The following MYBPH variants were observed in gnomAD, a reference collection of about 807,000 sequenced individuals.
MYBPH encodes the protein myosin-binding protein H.
Under a neutral mutation model 53.6 loss-of-function variants are expected in MYBPH, and 49 were observed. That is an observed-to-expected ratio of 0.91 (90% CI 0.73 to 1.16). MYBPH has a LOEUF of 1.16. Ranked by LOEUF, MYBPH falls within the 50% of genes most tolerant of loss-of-function variation. The probability of loss-of-function intolerance (pLI) is 0.00; values close to 1 mark genes in which losing one functional copy is unlikely to be tolerated. For missense variants in MYBPH, 558 were observed against 624.1 expected (o/e 0.89, Z 1.13); for synonymous variants, 239 against 249.6 (o/e 0.96, Z 0.40).
Position 203,171,992 on chromosome 1 carries a change from C to G in MYBPH, c.557G>C (p.Arg186Pro). Residue 186 changes from arginine (R) to proline (P), a missense_variant, in exon 4 of 11, where the codon CGC becomes CCC. Physicochemically the swap from Arg to Pro is moderately radical, Grantham distance 103 (BLOSUM62 -2). Coordinates refer to ENST00000255416, the MANE Select transcript of MYBPH (RefSeq NM_004997.3). This position sits in a 1 kb window ranked among gnomAD's most constrained non-coding sequence, Gnocchi z 4.2. ...CAGGTTGACCGTCTCTCCCACCTGGCGGATGTAGGTCTGACGGAGGTGGCG... is the reference window on the plus strand; with the variant it reads ...CAGGTTGACCGTCTCTCCCACCTGGGGGATGTAGGTCTGACGGAGGTGGCG... ...VPRHLRQTYI[R>P]QVGETVNLQI... 7.6e-7 allele frequency: 1 copy of G among 1,323,358 alleles called. No individual in the cohort carries two copies. Among genetic ancestry groups the G allele is most frequent in the Non-Finnish European group, 9.7e-7 (1 of 1,028,558 alleles). The allele number at this position is 1,323,358 out of a possible 1,614,324, so 82.0% of individuals were successfully genotyped here.
chr1:203,177,772 C>T (rs897921996), upstream of MYBPH, among the ~76,000 whole-genome samples: 1 of 152,242 alleles, frequency 6.6e-6, no homozygotes, highest in Non-Finnish European at 1.5e-5. Flanking sequence ...GCTTGCAGCC[C>T]TGGGGTTTCA....
chr1:203,175,771 G>A lies in MYBPH; in HGVS notation c.-16C>T. ...TTTCCATCATTGCTGGACTGGCTGG[G>A]GGGCCAGGGTGGAGTGTGCAGGGGT... On this transcript the variant is annotated 5_prime_UTR_variant, in exon 1 of 11. Coordinates refer to ENST00000255416, the MANE Select transcript of MYBPH (RefSeq NM_004997.3). 6.2e-7 allele frequency: 1 copy of A among 1,613,242 alleles called. No homozygotes were observed. The highest frequency in any genetic ancestry group is 1.7e-4 in the Middle Eastern group (1 of 5,802).
intron 2 of MYBPH, 47 bp from the exon 3 acceptor site, chr1:203,174,644 C>T (rs766445260): frequency 1.8e-5 from 26 of 1,470,654 alleles, no homozygotes; most frequent in South Asian, 2.7e-5. Context: ...TGGCCACAGG[C>T]GCCCCTCTCC....
At chr1:203,178,161 G>A (rs884209), upstream of MYBPH, among the ~76,000 whole-genome samples, 61,124 of 152,114 alleles carry the variant, frequency 0.4, 13,918 homozygotes, top group Non-Finnish European at 0.52. Context: ...GAATTCAACA[G>A]AAGCCTGATG....
At chr1:203,172,736 C>T (rs1264144177) in intron 3 of MYBPH, among the ~76,000 whole-genome samples, 3 of 152,222 alleles carry the variant, frequency 2.0e-5, no homozygotes, top group Admixed American at 6.5e-5. Flanking sequence ...GGGGCAACCA[C>T]TGAAGCCCCT....
chr1:203,177,308 G>T (rs1558146473), upstream of MYBPH, among the ~76,000 whole-genome samples: 1 of 152,212 alleles, frequency 6.6e-6, no homozygotes, highest in African/African-American at 2.4e-5. Flanking sequence ...CTGGGTGGTG[G>T]TTACACAGGT....
rs772338290 is a variant in MYBPH at position 203,171,064 on chromosome 1, T to A, written c.930A>T (p.Thr310=). Residue 310 remains threonine (T), a synonymous_variant, in exon 6 of 11, where the codon ACA becomes ACT. Coordinates refer to ENST00000255416, the MANE Select transcript of MYBPH (RefSeq NM_004997.3). This position sits in a 1 kb window ranked among gnomAD's most constrained non-coding sequence, Gnocchi z 4.2. ...ACTTTGCCTCAGCCAGCCTCACCCC[T>A]GTCTTTTTGTCTGCCTTCTGCACCA... ...GYMVQKADKK[T]GQWFTVLERY... The A allele has an allele frequency of 1.9e-6, 3 of 1,586,636 alleles. No individual in the cohort carries two copies.
chr1:203,175,147 T>C (rs1349734758), intron 2 of MYBPH, among the ~76,000 whole-genome samples, 180 bp downstream of exon 2: 1 of 150,918 alleles, frequency 6.6e-6, no homozygotes, highest in African/African-American at 2.4e-5. Flanking sequence ...ACCTACCCTT[T>C]CTTGCTCTCC....
rs768247438 is a variant in MYBPH, at chr1:203,168,689, T to C, written c.1418-14A>G. On this transcript the variant is annotated splice_polypyrimidine_tract_variant and intron_variant, in intron 9 of 10. Transcript: ENST00000255416. ...GTGCGGCTGAGGCTGGAAGAGATGCTGCAGTTAGAGCTTGGGGGAAGTGGC... is the reference window on the plus strand; with the variant it reads ...GTGCGGCTGAGGCTGGAAGAGATGCCGCAGTTAGAGCTTGGGGGAAGTGGC... 2 of 1,573,142 alleles carry C rather than the reference T, an allele frequency of 1.3e-6. No homozygotes were observed. Among genetic ancestry groups the C allele is most frequent in the South Asian group, 2.3e-5 (2 of 86,948 alleles).
intron 8 of MYBPH, 70 bp from the exon 9 acceptor site, chr1:203,169,162 G>C (rs1180166046): frequency 1.0e-5 from 16 of 1,589,254 alleles, no homozygotes; most frequent in African/African-American, 4.0e-5. Context: ...GCTATCCCCA[G>C]GCTTAGGTGT....
chr1:203,178,239 C>G (rs543880153), upstream of MYBPH, among the ~76,000 whole-genome samples: 1 of 152,346 alleles, frequency 6.6e-6, no homozygotes, highest in South Asian at 2.1e-4. Flanking sequence ...CACATCCTCC[C>G]GACCTCCTAT....
intron 3 of MYBPH, 144 bp downstream of exon 3, chr1:203,174,286 G>T: frequency 7.3e-7 from 1 of 1,378,118 alleles, no homozygotes; most frequent in Non-Finnish European, 9.4e-7. Flanking sequence ...CTTAAGGCAA[G>T]ATGGTGATAG....
At position 203,175,793 on chromosome 1, in the gene MYBPH, G is replaced by C; in HGVS notation, c.-38C>G. On this transcript the variant is annotated 5_prime_UTR_variant, in exon 1 of 11. Transcript: ENST00000255416. ...TGGGGGGCCAGGGTGGAGTGTGCAG[G>C]GGTCAGCCGTTGGGGGGCCTGGGCC... 1.2e-6 allele frequency: 2 copies of C among 1,607,978 alleles called. No homozygotes were observed. The highest frequency in any genetic ancestry group is 1.7e-6 in the Non-Finnish European group (2 of 1,177,330).
chr1:203,169,123 A>AGGTATGGACTGGGGC (rs1207463521), intron 8 of MYBPH, 31 bp from the exon 9 acceptor site: 13 of 1,610,342 alleles, frequency 8.1e-6, no homozygotes, highest in Non-Finnish European at 1.1e-5. Context: ...AGAGCTGGGG[A>AGGTATGGACTGGGGC]GGTATGGACT....
At chr1:203,174,712 A>G in intron 2 of MYBPH, 115 bp from the exon 3 acceptor site, 1 of 1,166,366 alleles carries the variant, frequency 8.6e-7, no homozygotes, top group South Asian at 1.9e-5. Flanking sequence ...TCTGGGCCTC[A>G]TTTTCCCCTT....
At position 203,171,676 on chromosome 1, in the gene MYBPH, T is replaced by G; in HGVS notation, c.598-98A>C. On this transcript the variant is annotated intron_variant, in intron 4 of 10. Coordinates refer to ENST00000255416, the MANE Select transcript of MYBPH (RefSeq NM_004997.3). This position sits in a 1 kb window ranked among gnomAD's most constrained non-coding sequence, Gnocchi z 4.2. Reference sequence around the variant, plus strand: ...CTCTGGAGCTGTTCTCGGGGAAGCCTGTCCCACTGGCCCTTCTCAGGAGGG... The same window carrying G: ...CTCTGGAGCTGTTCTCGGGGAAGCCGGTCCCACTGGCCCTTCTCAGGAGGG... 7.9e-7 allele frequency: 1 copy of G among 1,264,562 alleles called. No individual in the cohort carries two copies. Among genetic ancestry groups the G allele is most frequent in the African/African-American group, 1.5e-5 (1 of 66,106 alleles). The allele number at this position is 1,264,562 out of a possible 1,614,324, so 78.3% of individuals were successfully genotyped here. A position where few individuals can be genotyped will look rare whatever the true frequency, so the allele number is the denominator to read the frequency against.
intron 6 of MYBPH, among the ~76,000 whole-genome samples, 184 bp from the exon 7 acceptor site, chr1:203,170,634 C>T (rs1655677549): frequency 6.6e-6 from 1 of 152,148 alleles, no homozygotes; most frequent in Non-Finnish European, 1.5e-5. Flanking sequence ...CAGGTGACCT[C>T]TGTAGGGTCC....
intron 7 of MYBPH, among the ~76,000 whole-genome samples, chr1:203,169,925 T>C (rs1162639965): frequency 2.0e-5 from 3 of 152,188 alleles, no homozygotes; most frequent in Non-Finnish European, 4.4e-5. Context: ...GGGAGGCTTG[T>C]TTTAGCACAC....
Position 203,169,299 on chromosome 1 carries a change from G to C in MYBPH, c.1184C>G (p.Pro395Arg). ...TQPLADHTST[P>R]GYSTQLFCSV... Reference sequence around the variant, plus strand: ...GCAGAACAACTGGGTGCTGTAGCCAGGGGTGGAGGTGTGGTCAGCCAGGGG... The same window carrying C: ...GCAGAACAACTGGGTGCTGTAGCCACGGGTGGAGGTGTGGTCAGCCAGGGG... The change falls in exon 8 of 11, where the codon CCT (proline) becomes CGT (arginine). Residue 395 changes from proline (P) to arginine (R), a missense_variant. By Grantham distance (103) the Pro-to-Arg change is moderately radical. Transcript: ENST00000255416. 1 of 1,613,734 alleles carries C rather than the reference G, an allele frequency of 6.2e-7. No homozygotes were observed. The highest frequency in any genetic ancestry group is 8.5e-7 in the Non-Finnish European group (1 of 1,179,834).
Sources: gnomAD v4.1 joint callset for allele counts (sites outside exome capture counted in the v4.1 genomes callset) on GRCh38, gnomAD v4.1.1 for gene constraint, Gnocchi (gnomAD v3.1) non-coding constraint, MANE v1.5 for transcripts, NCBI Gene and HGNC (gene_info 2026-07-23, HGNC 2026-07-21) for gene names.